Variants in EXOC4 observed in about 807,000 individuals in gnomAD.
The protein encoded by EXOC4 is exocyst complex component 4, also known as SEC8-like 1.
Under a neutral mutation model 107.2 loss-of-function variants are expected in EXOC4, and 71 were observed. That is an observed-to-expected ratio of 0.66 (90% confidence interval 0.55 to 0.81). EXOC4 has a LOEUF of 0.81. Among genes scored for constraint, EXOC4 ranks in the 30% least tolerant of loss-of-function variants. The pLI is 0.00. For synonymous variants in EXOC4, 456 were observed against 441.2 expected (o/e 1.03, Z -0.42); for missense variants, 1,108 against 1,189.6 (o/e 0.93, Z 1.01).
At chr7:134,044,449 A>G (rs765450911) in intron 17 of EXOC4, among the ~76,000 whole-genome samples, 19 of 152,122 alleles carry the variant, frequency 1.2e-4, no homozygotes, top group South Asian at 2.1e-4. Context: ...TTTCCAGGCT[A>G]TTTTTGCTGC....
intron 9 of EXOC4, among the ~76,000 whole-genome samples, chr7:133,554,679 G>A (rs892036980): frequency 9.2e-5 from 14 of 152,086 alleles, no homozygotes; most frequent in African/African-American, 2.9e-4. Context: ...CCTCCTGCAC[G>A]TCACTTTTCA....
At chr7:133,431,179 G>T (rs1245721375) in intron 7 of EXOC4, among the ~76,000 whole-genome samples, 1 of 152,140 alleles carries the variant, frequency 6.6e-6, no homozygotes, top group Non-Finnish European at 1.5e-5. Flanking sequence ...TGAATTCACT[G>T]TTCTTCCTGA....
intron 5 of EXOC4, among the ~76,000 whole-genome samples, chr7:133,328,005 T>A (rs1056877593): frequency 6.6e-6 from 1 of 152,202 alleles, no homozygotes; most frequent in African/African-American, 2.4e-5. Flanking sequence ...TAATTTTCTG[T>A]CTCGTTGATC....
At position 133,895,769 on chromosome 7, in the gene EXOC4, G is replaced by T. The variant is rs201917358; in HGVS notation, c.1871+34G>T. The T allele has an allele frequency of 1.2e-4, 188 of 1,595,002 alleles. No homozygotes were observed. In the African/African-American group the frequency reaches 2.3e-3, roughly 20 times the overall value. ...TCTGTTAGGGGCTAAGCAAAGTAAC[G>T]TTTGAGCCTGATGGTGGTTCCAATT... On this transcript the variant is annotated intron_variant, in intron 12 of 17. Coordinates refer to ENST00000253861, the MANE Select transcript of EXOC4 (RefSeq NM_021807.4).
intron 17 of EXOC4, among the ~76,000 whole-genome samples, chr7:134,012,543 C>T (rs919717644): frequency 5.3e-5 from 8 of 151,862 alleles, no homozygotes; most frequent in Non-Finnish European, 1.0e-4. Context: ...GTGTGGAGGG[C>T]GGAGAGGGGG....
intron 9 of EXOC4, among the ~76,000 whole-genome samples, chr7:133,501,391 A>G (rs1799573603): frequency 6.6e-6 from 1 of 152,156 alleles, no homozygotes; most frequent in Admixed American, 6.5e-5. Flanking sequence ...AGTTATGTAT[A>G]GGTGACTTGT....
intron 7 of EXOC4, among the ~76,000 whole-genome samples, chr7:133,456,682 G>A (rs921774026): frequency 6.6e-6 from 1 of 152,188 alleles, no homozygotes; most frequent in Non-Finnish European, 1.5e-5. Flanking sequence ...TTGGGCTGCA[G>A]CTCCTGCCAG....
At chr7:133,400,972 G>C (rs1797076338) in intron 7 of EXOC4, among the ~76,000 whole-genome samples, 1 of 152,164 alleles carries the variant, frequency 6.6e-6, no homozygotes, top group South Asian at 2.1e-4. Flanking sequence ...TGTAGCCAGA[G>C]GTTTCTGGTT....
intron 11 of EXOC4, among the ~76,000 whole-genome samples, chr7:133,890,538 A>G (rs1226466390): frequency 7.0e-6 from 1 of 142,250 alleles, no homozygotes; most frequent in Non-Finnish European, 1.5e-5. Context: ...GTTTTCTTCT[A>G]GGGTTTTTAT....
At chr7:133,573,231 T>C (rs1801061044) in intron 9 of EXOC4, among the ~76,000 whole-genome samples, 1 of 152,174 alleles carries the variant, frequency 6.6e-6, no homozygotes, top group Non-Finnish European at 1.5e-5. Flanking sequence ...TTTATGTATA[T>C]TGTTAGAGAT....
At chr7:133,782,990 T>C (rs1450569870) in intron 10 of EXOC4, among the ~76,000 whole-genome samples, 1 of 152,170 alleles carries the variant, frequency 6.6e-6, no homozygotes, top group African/African-American at 2.4e-5. Flanking sequence ...CTATGCCATA[T>C]ATTTGCGTAG....
intron 10 of EXOC4, among the ~76,000 whole-genome samples, chr7:133,725,890 T>C (rs541164366): frequency 6.6e-6 from 1 of 152,300 alleles, no homozygotes; most frequent in Non-Finnish European, 1.5e-5. Flanking sequence ...ATTGGTGGAT[T>C]GCATGTGTGG....
At chr7:133,995,843 A>G (rs892793907) in intron 14 of EXOC4, among the ~76,000 whole-genome samples, 4 of 152,154 alleles carry the variant, frequency 2.6e-5, no homozygotes, top group African/African-American at 9.7e-5. Flanking sequence ...TTAAGAATGG[A>G]TATAGTGCTG....
In EXOC4 at chr7:134,057,587, AC is replaced by A. The variant is rs1795961213; in HGVS notation, c.2688-6703del. Among the ~76,000 whole-genome samples the A allele has an allele frequency of 2.6e-5, 4 of 152,302 alleles. No individual in the cohort carries two copies. The South Asian group carries it at 8.3e-4, about 32-fold the overall frequency. On this transcript the variant is annotated intron_variant, in intron 17 of 17. Transcript: ENST00000253861. ...GCAATTAGATTATACTTTTTAATAAACTAATTTATTCTTCTGACACACAGGA... is the reference window on the plus strand; with the variant it reads ...GCAATTAGATTATACTTTTTAATAAATAATTTATTCTTCTGACACACAGGA...
chr7:133,851,390 C>T (rs556032065), intron 11 of EXOC4, among the ~76,000 whole-genome samples: 2 of 152,272 alleles, frequency 1.3e-5, no homozygotes, highest in South Asian at 4.2e-4. Context: ...TGCTATGTTA[C>T]CCCAGCTGGT....
chr7:133,697,712 G>A (rs1475940377), intron 10 of EXOC4, among the ~76,000 whole-genome samples: 6 of 152,186 alleles, frequency 3.9e-5, no homozygotes, highest in Non-Finnish European at 8.8e-5. Flanking sequence ...TAACCAAAGA[G>A]CATGTGGTGC....
rs146698702 is a variant in EXOC4 at position 133,605,836 on chromosome 7, A to G, written c.1418-24209A>G. On this transcript the variant is annotated intron_variant, in intron 9 of 17. Transcript: ENST00000253861. ...ATGAAATCTGCTAGGGAGTATAGGT[A>G]GAGCAGAGGGAGGTTCGGGAGTTGA... Among the ~76,000 whole-genome samples the G allele has an allele frequency of 1.1e-4, 17 of 152,234 alleles. No homozygotes were observed. The East Asian group carries it at 3.3e-3, about 30-fold the overall frequency.
At position 134,001,292 on chromosome 7, in the gene EXOC4, T is replaced by C. The variant is rs560910962; in HGVS notation, c.2349-3620T>C. 2.6e-5 allele frequency among the ~76,000 whole-genome samples: 4 copies of C among 152,290 alleles called. No individual in the cohort carries two copies. The South Asian group carries it at 8.3e-4, about 32-fold the overall frequency. ...AAGTAGGTTCAACAGCAACTGCCTA[T>C]CACTGTTGGGATCCTAAGTGTGCAC... On this transcript the variant is annotated intron_variant, in intron 15 of 17. Transcript: ENST00000253861.
At chr7:133,969,857 C>G (rs1321087846) in intron 14 of EXOC4, among the ~76,000 whole-genome samples, 7 of 152,220 alleles carry the variant, frequency 4.6e-5, no homozygotes, top group Non-Finnish European at 1.5e-5. Flanking sequence ...CTTAGCAGAG[C>G]TTGAGTGCTG....
Sources: gnomAD v4.1 joint callset for allele counts (sites outside exome capture counted in the v4.1 genomes callset) on GRCh38, gnomAD v4.1.1 for gene constraint, MANE v1.5 for transcripts, NCBI Gene and HGNC (gene_info 2026-07-23, HGNC 2026-07-21) for gene names.